GRIA2: variants seen among roughly 807,000 people sequenced by gnomAD.
The protein encoded by GRIA2 is glutamate receptor 2.
GRIA2 carries 14 observed loss-of-function variants against 97.3 expected under a neutral mutation model. The ratio of observed to expected loss-of-function variants is 0.14; its 90% confidence interval spans 0.10 to 0.23. The LOEUF is 0.23. Among genes scored for constraint, GRIA2 ranks in the 10% least tolerant of loss-of-function variants. GRIA2 has a pLI of 1.00. For missense variants in GRIA2, 558 were observed against 1,069.8 expected (o/e 0.52, Z 6.67); for synonymous variants, 412 against 387.8 (o/e 1.06, Z -0.73).
intron 12 of GRIA2, among the ~76,000 whole-genome samples, chr4:157,357,239 A>AC (rs1474975368): frequency 3.9e-5 from 6 of 152,204 alleles, no homozygotes; most frequent in African/African-American, 1.4e-4. Context: ...AGTAGCTGTG[A>AC]AATTCAAATT....
chr4:157,299,836 C>G (rs1022490247), intron 2 of GRIA2, among the ~76,000 whole-genome samples: 1 of 152,134 alleles, frequency 6.6e-6, no homozygotes, highest in Admixed American at 6.6e-5. Flanking sequence ...TCTTTACTTA[C>G]TCCTTTGCAA....
rs751799867 is a variant in GRIA2, at chr4:157,274,040, A to T, written c.230-29512A>T. Among the ~76,000 whole-genome samples, 327 of 152,238 alleles carry T rather than the reference A, an allele frequency of 2.1e-3. 11 individuals are homozygous for T. The highest frequency in any genetic ancestry group is 5.6e-4 in the Non-Finnish European group (38 of 68,006). ...TATATCTGACTTACCCTCAGAAACCATGTAAACAAGAGGAGAGTGGAGTAA... is the reference window on the plus strand; with the variant it reads ...TATATCTGACTTACCCTCAGAAACCTTGTAAACAAGAGGAGAGTGGAGTAA... On this transcript the variant is annotated intron_variant, in intron 2 of 15. Coordinates refer to ENST00000264426, the MANE Select transcript of GRIA2 (RefSeq NM_001083619.3).
intron 2 of GRIA2, among the ~76,000 whole-genome samples, chr4:157,277,874 ATATATATGTATATATG>A (rs1025470287): frequency 1.4e-5 from 2 of 144,214 alleles, no homozygotes; most frequent in Admixed American, 1.4e-4. Context: ...GTATATATGT[ATATATATGTATATATG>A]TATATATATA....
At chr4:157,301,223 T>G (rs565009285) in intron 2 of GRIA2, among the ~76,000 whole-genome samples, 1 of 152,192 alleles carries the variant, frequency 6.6e-6, no homozygotes, top group Non-Finnish European at 1.5e-5. Context: ...CATACACTTA[T>G]GTATAAAATA....
chr4:157,281,320 G>T (rs1268035306), intron 2 of GRIA2, among the ~76,000 whole-genome samples: 1 of 151,908 alleles, frequency 6.6e-6, no homozygotes, highest in Non-Finnish European at 1.5e-5. Flanking sequence ...GCTCCACTTG[G>T]TCCTGTTTTT....
chr4:157,275,428 C>T lies in GRIA2; in HGVS notation c.230-28124C>T, dbSNP rs567245868. Among the ~76,000 whole-genome samples the T allele has an allele frequency of 1.3e-4, 20 of 152,256 alleles. No individual in the cohort carries two copies. The South Asian group carries it at 2.7e-3, about 21-fold the overall frequency. ...TTGCCATTGCTTTTGGTGTTTTAGT[C>T]ATGAAGTCCTTGCCCATGCCTATGA... On this transcript the variant is annotated intron_variant, in intron 2 of 15. Transcript: ENST00000264426.
At chr4:157,223,919 A>G (rs1371177487) in intron 2 of GRIA2, among the ~76,000 whole-genome samples, 2 of 152,216 alleles carry the variant, frequency 1.3e-5, no homozygotes, top group East Asian at 1.9e-4. Flanking sequence ...TGATTAGGTT[A>G]TTAGGTTTAG....
intron 3 of GRIA2, among the ~76,000 whole-genome samples, chr4:157,307,678 T>C (rs535128323): frequency 6.6e-6 from 1 of 152,256 alleles, no homozygotes; most frequent in Non-Finnish European, 1.5e-5. Flanking sequence ...TTAATCCAAA[T>C]GTGGTTTTTA....
rs137954500 is a variant in GRIA2 at position 157,247,872 on chromosome 4, A to T, written c.229+26065A>T. Among the ~76,000 whole-genome samples the T allele has an allele frequency of 2.0e-5, 3 of 152,072 alleles. No homozygotes were observed. In the East Asian group the frequency reaches 5.8e-4, roughly 30 times the overall value. On this transcript the variant is annotated intron_variant, in intron 2 of 15. Transcript: ENST00000264426. ...GGGCGTCACCATGCAGACAGCATCA[A>T]CACTTTTCTGGAAGAGACGCTTAAG...
At chr4:157,336,022 T>A (rs1319394710) in intron 10 of GRIA2, 145 bp downstream of exon 10, 5 of 673,180 alleles carry the variant, frequency 7.4e-6, no homozygotes, top group Non-Finnish European at 1.3e-5. Flanking sequence ...TTTGTGAACA[T>A]CTGAAAGATT....
At chr4:157,329,380 T>C (rs1734948349) in intron 6 of GRIA2, among the ~76,000 whole-genome samples, 1 of 151,916 alleles carries the variant, frequency 6.6e-6, no homozygotes, top group Non-Finnish European at 1.5e-5. Context: ...TAGAAATGAG[T>C]ACGTAAAATG....
Position 157,360,035 on chromosome 4 carries a change from C to T in GRIA2, c.2183C>T (p.Thr728Met), listed in dbSNP as rs1348382463. Residue 728 changes from threonine to methionine, a missense_variant, in exon 13 of 16, where the codon ACG (threonine) becomes ATG (methionine). Thr to Met is a moderately conservative substitution (Grantham distance 81). Around this residue, in one of 8 missense-constraint regions of GRIA2, gnomAD observed 125 missense variants for 310.2 expected, o/e 0.40. Transcript: ENST00000264426. Reference sequence around the variant, plus strand: ...AAATATGCCTACTTGTTGGAGTCCACGATGAACGAGTACATTGAGCAAAGG... The same window carrying T: ...AAATATGCCTACTTGTTGGAGTCCATGATGAACGAGTACATTGAGCAAAGG... ...KGKYAYLLES[T>M]MNEYIEQRKP... The T allele has an allele frequency of 6.2e-7, 1 of 1,613,732 alleles. No homozygotes were observed. The highest frequency in any genetic ancestry group is 1.1e-5 in the South Asian group (1 of 91,068).
chr4:157,300,379 A>G (rs1192205367), intron 2 of GRIA2, among the ~76,000 whole-genome samples: 1 of 152,076 alleles, frequency 6.6e-6, no homozygotes, highest in Non-Finnish European at 1.5e-5. Context: ...TCATCTTCAG[A>G]TGGTTACCAC....
At position 157,363,809 on chromosome 4, in the gene GRIA2, G is replaced by T; in HGVS notation, c.*378G>T. On this transcript the variant is annotated 3_prime_UTR_variant, in exon 16 of 16. Coordinates refer to ENST00000264426, the MANE Select transcript of GRIA2 (RefSeq NM_001083619.3). ...AGACAAAGCGTGGTGGACATGCACAGCTAACATGGAAGTACTATAATTTAC... is the reference window on the plus strand; with the variant it reads ...AGACAAAGCGTGGTGGACATGCACATCTAACATGGAAGTACTATAATTTAC... 2.8e-6 allele frequency: 1 copy of T among 353,930 alleles called. No homozygotes were observed. Among genetic ancestry groups the T allele is most frequent in the Non-Finnish European group, 5.1e-6 (1 of 197,568 alleles). 21.9% of individuals were successfully genotyped at this position (353,930 alleles called of 1,614,324 possible).
intron 12 of GRIA2, among the ~76,000 whole-genome samples, chr4:157,349,484 C>T (rs1408514566): frequency 1.4e-5 from 2 of 138,066 alleles, no homozygotes; most frequent in Non-Finnish European, 3.1e-5. Flanking sequence ...TCCTTCCTTC[C>T]TTCCTTCCTT....
chr4:157,320,634 C>T (rs1015080745), intron 5 of GRIA2, among the ~76,000 whole-genome samples: 1 of 151,958 alleles, frequency 6.6e-6, no homozygotes, highest in African/African-American at 2.4e-5. Context: ...AAAAGATTCT[C>T]CTAAGTTTTG....
At chr4:157,309,349 G>GTTTTTTT (rs747461041) in intron 3 of GRIA2, among the ~76,000 whole-genome samples, 1 of 130,704 alleles carries the variant, frequency 7.7e-6, no homozygotes, top group African/African-American at 2.9e-5. Flanking sequence ...AAATTTCTTG[G>GTTTTTTT]TTTTTTTTTT....
chr4:157,318,080 T>C (rs1186797296), intron 5 of GRIA2, among the ~76,000 whole-genome samples: 1 of 152,192 alleles, frequency 6.6e-6, no homozygotes, highest in African/African-American at 2.4e-5. Flanking sequence ...TCTAATCAAT[T>C]TCTTATTATT....
At chr4:157,310,561 C>T (rs866546136) in intron 3 of GRIA2, among the ~76,000 whole-genome samples, 1 of 151,698 alleles carries the variant, frequency 6.6e-6, no homozygotes, top group African/African-American at 2.4e-5. Flanking sequence ...GAAACAAATA[C>T]CAGACATCCT....
Sources: gnomAD v4.1 joint callset for allele counts (sites outside exome capture counted in the v4.1 genomes callset) on GRCh38, gnomAD v4.1.1 for gene constraint, gnomAD v4.1.1 regional missense constraint, MANE v1.5 for transcripts, NCBI Gene and HGNC (gene_info 2026-07-23, HGNC 2026-07-21) for gene names.